Variants in DZIP1 observed in about 807,000 individuals in gnomAD.
DZIP1 encodes the protein DAZ interacting zinc finger protein 1, also known as cilium assembly protein DZIP1.
Under a neutral mutation model 107.6 loss-of-function variants are expected in DZIP1, and 97 were observed. That is an observed-to-expected ratio of 0.90 (90% CI 0.77 to 1.07). DZIP1 has a LOEUF of 1.07. DZIP1 is among the 50% of genes least tolerant of loss of function. DZIP1 has a pLI of 0.00. For synonymous variants in DZIP1, 390 were observed against 386.4 expected, an observed-to-expected ratio of 1.01 and a Z score of -0.11; for missense variants, 1,035 against 1,063.6, an observed-to-expected ratio of 0.97 and a Z score of 0.37.
Position 95,644,677 on chromosome 13 carries a change from G to T in DZIP1, c.-826C>A, listed in dbSNP as rs765401580. 1.6e-5 allele frequency: 1 copy of T among 61,236 alleles called. No individual in the cohort carries two copies. The highest frequency in any genetic ancestry group is 6.3e-5 in the African/African-American group (1 of 15,912). The allele number at this position is 61,236 out of a possible 1,614,324, so 3.8% of individuals were successfully genotyped here. A position where few individuals can be genotyped will look rare whatever the true frequency, so the allele number is the denominator to read the frequency against. ...CCCCTCCCCTCCGCGATCTCCCTCC[G>T]GCCTCTTCCCTCGGTGTCCCGGCTC... is the stretch of plus-strand genomic sequence containing the variant. On this transcript the variant is annotated 5_prime_UTR_variant, in exon 1 of 23. Transcript: ENST00000376829.
rs1007965149 is a variant in DZIP1 at position 95,609,371 on chromosome 13, C to T, written c.1420+86G>A. 3.5e-6 allele frequency: 3 copies of T among 857,184 alleles called. No homozygotes were observed. The African/African-American group carries it at 5.3e-5, about 15-fold the overall frequency. The allele number at this position is 857,184 out of a possible 1,614,324, so 53.1% of individuals were successfully genotyped here. A position where few individuals can be genotyped will look rare whatever the true frequency, so the allele number is the denominator to read the frequency against. On this transcript the variant is annotated intron_variant, in intron 13 of 22. Coordinates refer to ENST00000376829, the MANE Select transcript of DZIP1 (RefSeq NM_198968.4). Reference sequence around the variant, plus strand: ...AAATACATTGGTTTTCAAAGAAAAGCCTCTAAAAATAGTAAGTAAAAGTTA... The same window carrying T: ...AAATACATTGGTTTTCAAAGAAAAGTCTCTAAAAATAGTAAGTAAAAGTTA...
chr13:95,631,514 T>C (rs2139376855), intron 6 of DZIP1, among the ~76,000 whole-genome samples: 1 of 152,036 alleles, frequency 6.6e-6, no homozygotes, highest in East Asian at 1.9e-4. Flanking sequence ...TGTGGGTTAC[T>C]GTGGCAATCT....
chr13:95,642,003 A>G lies in DZIP1; in HGVS notation c.27T>C (p.Phe9=). 1 of 1,579,132 alleles carries G rather than the reference A, an allele frequency of 6.3e-7. No individual in the cohort carries two copies. Among genetic ancestry groups the G allele is most frequent in the East Asian group, 2.5e-5 (1 of 40,022 alleles). Residue 9 remains phenylalanine, a synonymous_variant, in exon 4 of 23, where the codon TTT becomes TTC. Transcript: ENST00000376829. ...GCCTCCCGCCTCTTACCATGCTTGA[A>G]AACCAATCCGCTGCCTCAGCTTGCA... MQAEAADW[F]SSMPFQKHVY...
intron 21 of DZIP1, among the ~76,000 whole-genome samples, chr13:95,585,534 C>T (rs1363987176): frequency 4.6e-5 from 7 of 152,220 alleles, no homozygotes; most frequent in Non-Finnish European, 1.0e-4. Flanking sequence ...AGAAACACCT[C>T]TGGCGTCCTG....
intron 20 of DZIP1, among the ~76,000 whole-genome samples, chr13:95,587,098 T>C (rs1394105132): frequency 6.6e-6 from 1 of 152,132 alleles, no homozygotes; most frequent in Non-Finnish European, 1.5e-5. Flanking sequence ...CCAATGTCCT[T>C]ATACAAACGA....
At chr13:95,627,290 G>C (rs775669967) in intron 7 of DZIP1, among the ~76,000 whole-genome samples, 1 of 152,136 alleles carries the variant, frequency 6.6e-6, no homozygotes, top group Non-Finnish European at 1.5e-5. Context: ...TTGGCACTGG[G>C]ACAACTGGAT....
At chr13:95,597,178 G>A (rs1414116379) in intron 15 of DZIP1, among the ~76,000 whole-genome samples, 1 of 152,230 alleles carries the variant, frequency 6.6e-6, no homozygotes, top group Non-Finnish European at 1.5e-5. Context: ...GATGCAGTGA[G>A]TGAAATCTGG....
intron 14 of DZIP1, among the ~76,000 whole-genome samples, chr13:95,602,626 C>T (rs1351295436): frequency 6.6e-6 from 1 of 152,260 alleles, no homozygotes; most frequent in African/African-American, 2.4e-5. Context: ...ATGTTAACTC[C>T]TGTCAAAGAC....
intron 12 of DZIP1, among the ~76,000 whole-genome samples, 153 bp from the exon 13 acceptor site, chr13:95,609,666 C>G (rs1482049668): frequency 6.6e-6 from 1 of 152,174 alleles, no homozygotes; most frequent in Non-Finnish European, 1.5e-5. Flanking sequence ...GTGTAACATA[C>G]ATCTTTTTGA....
intron 5 of DZIP1, among the ~76,000 whole-genome samples, chr13:95,633,678 CAAAAAAAA>C (rs567298033): frequency 2.2e-4 from 16 of 71,192 alleles, no homozygotes; most frequent in South Asian, 1.0e-3. Flanking sequence ...GACTCCATCT[CAAAAAAAA>C]AAAAAAAAAA....
intron 16 of DZIP1, 138 bp from the exon 17 acceptor site, chr13:95,590,579 A>G (rs1302050520): frequency 1.3e-6 from 1 of 767,888 alleles, no homozygotes; most frequent in East Asian, 2.8e-5. Context: ...GGGTGCCCCA[A>G]CAAGTAACAC....
At chr13:95,622,787 G>A (rs1028959396) in intron 8 of DZIP1, among the ~76,000 whole-genome samples, 1 of 149,826 alleles carries the variant, frequency 6.7e-6, no homozygotes. Flanking sequence ...CTGTTGCCCA[G>A]GCTAGAGTGC....
In DZIP1 at chr13:95,591,782, TA is replaced by T. The variant is rs566544507; in HGVS notation, c.1681-1342del. Among the ~76,000 whole-genome samples, 195 of 152,364 alleles carry T rather than the reference TA, an allele frequency of 1.3e-3. 1 individual carries two copies. Among genetic ancestry groups the T allele is most frequent in the Non-Finnish European group, 1.7e-3 (114 of 68,032 alleles). ...ACAAATGTCAATCCTTCCTACTTAA[TA>T]TACAAAATTTAAAACAATTTCAATC... On this transcript the variant is annotated intron_variant, in intron 16 of 22. Transcript: ENST00000376829.
chr13:95,626,860 T>C (rs934543387), intron 7 of DZIP1, among the ~76,000 whole-genome samples: 7 of 152,146 alleles, frequency 4.6e-5, no homozygotes, highest in African/African-American at 1.4e-4. Context: ...GTTGTAAAAA[T>C]TGAAGAACAC....
intron 6 of DZIP1, 21 bp from the exon 7 acceptor site, chr13:95,630,134 G>A (rs747492262): frequency 1.2e-6 from 2 of 1,603,588 alleles, no homozygotes; most frequent in South Asian, 1.1e-5. Flanking sequence ...AGAAAATCGT[G>A]TTAAAACACC....
At chr13:95,643,967 C>T (rs1878817342) in intron 1 of DZIP1, among the ~76,000 whole-genome samples, 1 of 152,152 alleles carries the variant, frequency 6.6e-6, no homozygotes, top group South Asian at 2.1e-4. Flanking sequence ...CTCCGTTGGC[C>T]GCCACACTCC....
At chr13:95,590,616 A>C (rs892468074) in intron 16 of DZIP1, among the ~76,000 whole-genome samples, 175 bp from the exon 17 acceptor site, 5 of 152,240 alleles carry the variant, frequency 3.3e-5, no homozygotes, top group African/African-American at 1.2e-4. Context: ...CCATGTGTTC[A>C]GTTGGGCACA....
intron 10 of DZIP1, among the ~76,000 whole-genome samples, chr13:95,617,794 G>C (rs1875315326): frequency 6.6e-6 from 1 of 152,112 alleles, no homozygotes; most frequent in Non-Finnish European, 1.5e-5. Context: ...GGCTGGAATT[G>C]AGGAGACCCA....
Position 95,641,450 on chromosome 13 carries a change from G to C in DZIP1, c.442C>G (p.Arg148Gly). ...LTSQLHTLEE[R>G]LRLSHCDGEQ... is the part of the protein sequence containing the mutation. ...CCGTCGCAGTGGCTCAGGCGCAGCC[G>C]CTCCTCCAGGGTGTGCAGCTGCGAG... is the stretch of plus-strand genomic sequence containing the variant. The change falls in exon 5 of 23, where the codon CGG (arginine) becomes GGG (glycine). Residue 148 changes from arginine (R) to glycine (G), a missense_variant. By Grantham distance (125) the Arg-to-Gly change is moderately radical. Transcript: ENST00000376829. The surrounding 1 kb of genome is among the most constrained non-coding windows in gnomAD (Gnocchi z 4.3). The C allele has an allele frequency of 6.2e-7, 1 of 1,614,122 alleles. No individual in the cohort carries two copies. The highest frequency in any genetic ancestry group is 8.5e-7 in the Non-Finnish European group (1 of 1,180,026).
Sources: gnomAD v4.1 joint callset for allele counts (sites outside exome capture counted in the v4.1 genomes callset) on GRCh38, gnomAD v4.1.1 for gene constraint, Gnocchi (gnomAD v3.1) non-coding constraint, MANE v1.5 for transcripts, NCBI Gene and HGNC (gene_info 2026-07-23, HGNC 2026-07-21) for gene names.